DRC11: variants seen among roughly 807,000 people sequenced by gnomAD.
DRC11 encodes dynein regulatory complex subunit 11.
the DRC11 span, among the ~76,000 whole-genome samples, chr2:236,397,305 T>G: frequency 6.6e-6 from 1 of 152,220 alleles, no homozygotes; most frequent in African/African-American, 2.4e-5. This position sits in a 1 kb window ranked among gnomAD's most constrained non-coding sequence, Gnocchi z 5.0. Context: ...GTGCCCTCAT[T>G]GTCTTTACAT....
chr2:236,422,893 T>C, the DRC11 span, among the ~76,000 whole-genome samples: 16 of 151,660 alleles, frequency 1.1e-4, no homozygotes, highest in Non-Finnish European at 7.4e-5. Context: ...TCAGAAATAA[T>C]GCCGCATATC....
At chr2:236,363,843 A>G in the DRC11 span, 6 of 1,613,980 alleles carry the variant, frequency 3.7e-6, no homozygotes, top group African/African-American at 6.7e-5. The surrounding 1 kb of genome is among the most constrained non-coding windows in gnomAD (Gnocchi z 5.6). Context: ...CAGCAATGTT[A>G]GAGGAGGACA....
At chr2:236,420,395 G>C in the DRC11 span, among the ~76,000 whole-genome samples, 1 of 152,156 alleles carries the variant, frequency 6.6e-6, no homozygotes, top group Admixed American at 6.5e-5. The surrounding 1 kb of genome is among the most constrained non-coding windows in gnomAD (Gnocchi z 4.8). Context: ...CCATACTCCA[G>C]TCTCAGGTAC....
the DRC11 span, chr2:236,497,225 C>A: frequency 1.9e-6 from 3 of 1,613,418 alleles, no homozygotes; most frequent in Non-Finnish European, 2.5e-6. This position sits in a 1 kb window ranked among gnomAD's most constrained non-coding sequence, Gnocchi z 5.1. Context: ...AGTTCCAGCT[C>A]CACCATCTCG....
chr2:236,318,770 C>T, the DRC11 span, among the ~76,000 whole-genome samples: 3 of 152,032 alleles, frequency 2.0e-5, no homozygotes, highest in African/African-American at 7.2e-5. This position sits in a 1 kb window ranked among gnomAD's most constrained non-coding sequence, Gnocchi z 7.0. Flanking sequence ...GTATGTGTGC[C>T]GCCAGATTGA....
At chr2:236,310,227 G>A in the DRC11 span, among the ~76,000 whole-genome samples, 1 of 152,278 alleles carries the variant, frequency 6.6e-6, no homozygotes, top group South Asian at 2.1e-4. The surrounding 1 kb of genome is among the most constrained non-coding windows in gnomAD (Gnocchi z 5.5). Context: ...CCTGGGCCCA[G>A]GAGAAAAGGC....
the DRC11 span, among the ~76,000 whole-genome samples, chr2:236,342,798 C>T: frequency 6.6e-6 from 1 of 152,290 alleles, no homozygotes; most frequent in African/African-American, 2.4e-5. The surrounding 1 kb of genome is among the most constrained non-coding windows in gnomAD (Gnocchi z 5.8). Context: ...CCCTCGCCGG[C>T]CTTGCAGATG....
chr2:236,472,854 G>A, the DRC11 span, among the ~76,000 whole-genome samples: 1 of 152,120 alleles, frequency 6.6e-6, no homozygotes. This position sits in a 1 kb window ranked among gnomAD's most constrained non-coding sequence, Gnocchi z 4.6. Context: ...GTCTGCCTGG[G>A]AAGCGCACAC....
the DRC11 span, among the ~76,000 whole-genome samples, chr2:236,336,964 T>A: frequency 2.3e-3 from 345 of 152,150 alleles, no homozygotes; most frequent in Middle Eastern, 3.4e-3. This position sits in a 1 kb window ranked among gnomAD's most constrained non-coding sequence, Gnocchi z 7.3. Context: ...TGCTCCAACT[T>A]CTTGAAACAT....
the DRC11 span, among the ~76,000 whole-genome samples, chr2:236,475,712 CTT>C: frequency 1.3e-5 from 2 of 151,994 alleles, no homozygotes; most frequent in African/African-American, 4.8e-5. This position sits in a 1 kb window ranked among gnomAD's most constrained non-coding sequence, Gnocchi z 4.8. Context: ...TATTTTTTGT[CTT>C]GTTGATAATA....
the DRC11 span, among the ~76,000 whole-genome samples, chr2:236,502,173 A>G: frequency 6.6e-6 from 1 of 152,234 alleles, no homozygotes; most frequent in Non-Finnish European, 1.5e-5. Flanking sequence ...ATTAGCAGTA[A>G]AAAAGGACAA....
the DRC11 span, among the ~76,000 whole-genome samples, chr2:236,460,258 G>C: frequency 6.6e-6 from 1 of 152,164 alleles, no homozygotes; most frequent in Admixed American, 6.5e-5. This position sits in a 1 kb window ranked among gnomAD's most constrained non-coding sequence, Gnocchi z 4.0. Flanking sequence ...ACTCCAAACT[G>C]TCAGGTCAAG....
At chr2:236,422,893 T>A in the DRC11 span, among the ~76,000 whole-genome samples, 22 of 151,660 alleles carry the variant, frequency 1.5e-4, no homozygotes, top group Non-Finnish European at 3.1e-4. Context: ...TCAGAAATAA[T>A]GCCGCATATC....
chr2:236,397,659 A>T, the DRC11 span, among the ~76,000 whole-genome samples: 9 of 152,254 alleles, frequency 5.9e-5, no homozygotes, highest in African/African-American at 2.2e-4. This position sits in a 1 kb window ranked among gnomAD's most constrained non-coding sequence, Gnocchi z 5.0. Flanking sequence ...TAAAGGCCAA[A>T]TGATGATATG....
At chr2:236,485,202 G>T in the DRC11 span, among the ~76,000 whole-genome samples, 1 of 151,636 alleles carries the variant, frequency 6.6e-6, no homozygotes, top group African/African-American at 2.4e-5. Context: ...AGTGCCTGTG[G>T]TCACTGTATA....
the DRC11 span, among the ~76,000 whole-genome samples, chr2:236,491,163 A>ATATATATATATATACACAG: frequency 5.3e-5 from 4 of 75,028 alleles, no homozygotes; most frequent in African/African-American, 2.2e-4. Flanking sequence ...CACACAGTAT[A>ATATATATATATATACACAG]TATATATATA....
chr2:236,418,549 G>C, the DRC11 span, among the ~76,000 whole-genome samples: 1 of 152,142 alleles, frequency 6.6e-6, no homozygotes, highest in Non-Finnish European at 1.5e-5. Flanking sequence ...TGGGCCCTAA[G>C]AGTTCACTTC....
the DRC11 span, among the ~76,000 whole-genome samples, chr2:236,317,307 A>G: frequency 6.6e-6 from 1 of 152,128 alleles, no homozygotes; most frequent in Non-Finnish European, 1.5e-5. This position sits in a 1 kb window ranked among gnomAD's most constrained non-coding sequence, Gnocchi z 5.4. Flanking sequence ...GGGAAAAAAA[A>G]AAAAAGATAG....
At chr2:236,488,703 GAA>G in the DRC11 span, among the ~76,000 whole-genome samples, 2 of 152,168 alleles carry the variant, frequency 1.3e-5, no homozygotes, top group Non-Finnish European at 2.9e-5. Context: ...TTTTATATAT[GAA>G]AAGTCTTCCA....
Sources: allele counts gnomAD v4.1 joint callset (sites outside exome capture counted in the v4.1 genomes callset), GRCh38; gene constraint gnomAD v4.1.1; non-coding constraint Gnocchi (gnomAD v3.1); transcripts MANE v1.5; gene names NCBI Gene and HGNC (gene_info 2026-07-23, HGNC 2026-07-21).